CCDC7: variants seen among roughly 807,000 people sequenced by gnomAD.
The protein encoded by CCDC7 is coiled-coil domain containing 7.
A neutral mutation model predicts 196.9 loss-of-function variants in CCDC7; 183 were observed. The ratio of observed to expected loss-of-function variants is 0.93; its 90% CI spans 0.82 to 1.05. The LOEUF (loss-of-function observed/expected upper bound fraction) is 1.05. CCDC7 is among the 50% of genes least tolerant of loss of function. The probability of loss-of-function intolerance (pLI) is 0.00; values close to 1 mark genes in which losing one functional copy is unlikely to be tolerated. For synonymous variants in CCDC7, 525 were observed against 484.6 expected (o/e 1.08, Z -1.10); for missense variants, 1,540 against 1,482.2 (o/e 1.04, Z -0.64).
intron 18 of CCDC7, among the ~76,000 whole-genome samples, chr10:32,596,699 G>T (rs2060402011): frequency 6.6e-6 from 1 of 152,102 alleles, no homozygotes; most frequent in African/African-American, 2.4e-5. Flanking sequence ...CTTCCTTCAG[G>T]AGCTCTTGTA....
chr10:32,450,878 A>G (rs1255036765), upstream of CCDC7, among the ~76,000 whole-genome samples: 6 of 152,224 alleles, frequency 3.9e-5, no homozygotes, highest in Admixed American at 3.9e-4. Context: ...GTATATTCCC[A>G]TTCTAAATGC....
At chr10:32,749,301 T>C (rs1169035879) in intron 28 of CCDC7, among the ~76,000 whole-genome samples, 1 of 152,212 alleles carries the variant, frequency 6.6e-6, no homozygotes, top group Non-Finnish European at 1.5e-5. Flanking sequence ...TTTAAAAAAT[T>C]TTTTATCTTC....
downstream of CCDC7, among the ~76,000 whole-genome samples, chr10:32,879,605 T>G (rs753684686): frequency 2.0e-5 from 3 of 152,108 alleles, no homozygotes; most frequent in Non-Finnish European, 4.4e-5. Flanking sequence ...CAGCAAGGAC[T>G]GCTGTAGAAG....
intron 24 of CCDC7, among the ~76,000 whole-genome samples, chr10:32,700,123 C>T (rs546955990): frequency 6.7e-6 from 1 of 149,370 alleles, no homozygotes; most frequent in South Asian, 2.1e-4. Context: ...ACATGAAGTC[C>T]TTGCCCATGC....
Position 32,851,920 on chromosome 10 carries a change from C to G in CCDC7, c.4009C>G (p.Gln1337Glu), listed in dbSNP as rs776184111. ...AGACATCCACCTTCCTTTACTGAAT[C>G]AACTCCCTTCAGGTAATTTTTAATA... is the stretch of plus-strand genomic sequence containing the variant. Residue 1337 changes from glutamine (Q) to glutamate (E), a missense_variant, in exon 40 of 42, where the codon CAA (glutamine) becomes GAA (glutamate). Gln to Glu is a conservative substitution (Grantham distance 29, BLOSUM62 2). Coordinates refer to ENST00000639629, the Ensembl canonical transcript of CCDC7. 2.5e-6 allele frequency: 4 copies of G among 1,595,234 alleles called. No homozygotes were observed. The South Asian group carries it at 4.6e-5, about 18-fold the overall frequency.
intron 24 of CCDC7, among the ~76,000 whole-genome samples, chr10:32,709,080 C>A (rs1237425225): frequency 3.3e-5 from 5 of 152,048 alleles, no homozygotes; most frequent in Admixed American, 1.3e-4. Flanking sequence ...CCAAATGTCC[C>A]TCAGTGATAG....
intron 11 of CCDC7, among the ~76,000 whole-genome samples, chr10:32,536,558 T>C (rs1272860655): frequency 1.3e-5 from 2 of 152,190 alleles, no homozygotes; most frequent in African/African-American, 4.8e-5. Flanking sequence ...AGGTTTGTTA[T>C]ATAGGTAAAC....
intron 28 of CCDC7, among the ~76,000 whole-genome samples, chr10:32,740,741 T>C (rs2085687876): frequency 6.6e-6 from 1 of 152,210 alleles, no homozygotes; most frequent in African/African-American, 2.4e-5. Context: ...AGTTCTTAGT[T>C]TGAGATTGAG....
chr10:32,759,761 A>G (rs2077121543), intron 28 of CCDC7, among the ~76,000 whole-genome samples: 1 of 152,228 alleles, frequency 6.6e-6, no homozygotes. Flanking sequence ...AATTAAACTG[A>G]AGAGCTTCTG....
intron 28 of CCDC7, among the ~76,000 whole-genome samples, chr10:32,746,594 C>A (rs2133321035): frequency 6.6e-6 from 1 of 152,274 alleles, no homozygotes; most frequent in South Asian, 2.1e-4. Context: ...TGCACACCTC[C>A]CTGTCTGCCA....
At chr10:32,680,308 C>T (rs1383121931) in intron 21 of CCDC7, among the ~76,000 whole-genome samples, 3 of 151,994 alleles carry the variant, frequency 2.0e-5, no homozygotes, top group Admixed American at 6.6e-5. Flanking sequence ...TCCATGAGGC[C>T]TTGGATAAGT....
chr10:32,704,116 C>T (rs1238053131), intron 24 of CCDC7, among the ~76,000 whole-genome samples: 2 of 152,116 alleles, frequency 1.3e-5, no homozygotes, highest in Non-Finnish European at 2.9e-5. Context: ...TTCCATTTTT[C>T]TGCTTTGTTT....
intron 16 of CCDC7, among the ~76,000 whole-genome samples, chr10:32,582,106 C>CCATATA (rs1249623292): frequency 9.6e-6 from 1 of 103,750 alleles, no homozygotes; most frequent in Non-Finnish European, 2.2e-5. Context: ...ACTGTCAGCA[C>CCATATA]TATATATATA....
At chr10:32,716,650 TC>T (rs1413128649) in intron 25 of CCDC7, among the ~76,000 whole-genome samples, 1 of 152,046 alleles carries the variant, frequency 6.6e-6, no homozygotes, top group African/African-American at 2.4e-5. Context: ...ATTCAGGAGA[TC>T]CAATTCATAT....
At chr10:32,618,799 T>A (rs1052125957) in intron 18 of CCDC7, among the ~76,000 whole-genome samples, 1 of 152,086 alleles carries the variant, frequency 6.6e-6, no homozygotes, top group South Asian at 2.1e-4. Flanking sequence ...TGCCTTGGGA[T>A]AGGAAGTTCT....
intron 33 of CCDC7, among the ~76,000 whole-genome samples, chr10:32,841,634 A>C (rs1250834345): frequency 6.6e-6 from 1 of 152,008 alleles, no homozygotes; most frequent in African/African-American, 2.4e-5. Context: ...ATATGGAACC[A>C]AAAAAAGCCC....
intron 8 of CCDC7, among the ~76,000 whole-genome samples, chr10:32,484,213 T>G (rs907391423): frequency 2.0e-5 from 3 of 152,236 alleles, no homozygotes; most frequent in South Asian, 2.1e-4. Context: ...GTCCTTCACA[T>G]GCCCTGTAAG....
At chr10:32,648,665 G>A (rs898139087) in intron 20 of CCDC7, among the ~76,000 whole-genome samples, 3 of 151,988 alleles carry the variant, frequency 2.0e-5, no homozygotes, top group African/African-American at 4.8e-5. Flanking sequence ...CCACAACCTC[G>A]CCAGCATCTG....
intron 24 of CCDC7, among the ~76,000 whole-genome samples, chr10:32,702,077 G>T (rs948688663): frequency 1.4e-4 from 22 of 152,052 alleles, no homozygotes; most frequent in African/African-American, 4.4e-4. Context: ...GAATGTGTTT[G>T]CTCTTGCTTT....
Sources: gnomAD v4.1 joint callset for allele counts (sites outside exome capture counted in the v4.1 genomes callset) on GRCh38, gnomAD v4.1.1 for gene constraint, MANE v1.5 for transcripts, NCBI Gene and HGNC (gene_info 2026-07-23, HGNC 2026-07-21) for gene names.